The following MACROD2 variants were observed in gnomAD, a reference collection of about 807,000 sequenced individuals.
MACROD2 encodes ADP-ribose glycohydrolase MACROD2.
In MACROD2, 36 loss-of-function variants were observed where a neutral mutation model predicts 70.4. The observed-to-expected ratio is 0.51, with a 90% CI of 0.39 to 0.68. MACROD2 has a LOEUF of 0.68. Among genes scored for constraint, MACROD2 ranks in the 30% least tolerant of loss-of-function variants. The pLI, the probability that MACROD2 is intolerant of heterozygous loss-of-function variation, is 0.00. For missense variants in MACROD2, 496 were observed against 538.4 expected, an observed-to-expected ratio of 0.92 and a Z score of 0.78; for synonymous variants, 172 against 178.8, an observed-to-expected ratio of 0.96 and a Z score of 0.30.
chr20:15,595,637 A>C (rs1382045197), intron 8 of MACROD2, among the ~76,000 whole-genome samples: 1 of 152,226 alleles, frequency 6.6e-6, no homozygotes, highest in Non-Finnish European at 1.5e-5. Context: ...TATTTTAATT[A>C]TAACATTATT....
At chr20:14,502,718 G>A (rs558218181) in intron 4 of MACROD2, among the ~76,000 whole-genome samples, 24 of 152,150 alleles carry the variant, frequency 1.6e-4, no homozygotes, top group Middle Eastern at 3.4e-3. Context: ...CAAATAAAGG[G>A]GAATAACCTG....
At chr20:15,250,345 T>C (rs2077144473) in intron 6 of MACROD2, among the ~76,000 whole-genome samples, 1 of 152,218 alleles carries the variant, frequency 6.6e-6, no homozygotes, top group Non-Finnish European at 1.5e-5. Context: ...CCCCCACTGG[T>C]GATGTACTTG....
At chr20:14,715,609 G>C (rs2071388597) in intron 5 of MACROD2, among the ~76,000 whole-genome samples, 1 of 152,130 alleles carries the variant, frequency 6.6e-6, no homozygotes, top group Admixed American at 6.5e-5. Flanking sequence ...CCCAAATGCA[G>C]AGAACCTCTA....
intron 8 of MACROD2, among the ~76,000 whole-genome samples, chr20:15,682,636 C>T (rs2050175388): frequency 6.6e-6 from 1 of 152,136 alleles, no homozygotes; most frequent in Non-Finnish European, 1.5e-5. Flanking sequence ...GCTTGGTTGG[C>T]CATGCAGGTG....
At chr20:14,009,748 A>G (rs1379261793) in intron 2 of MACROD2, among the ~76,000 whole-genome samples, 2 of 152,242 alleles carry the variant, frequency 1.3e-5, no homozygotes, top group African/African-American at 4.8e-5. Context: ...GACTGGATAA[A>G]GAAAATGTGG....
chr20:14,437,965 C>A (rs977680932), intron 3 of MACROD2, among the ~76,000 whole-genome samples: 2 of 152,106 alleles, frequency 1.3e-5, no homozygotes, highest in African/African-American at 4.8e-5. Context: ...ACAGCTATAT[C>A]TACTCATTTA....
chr20:14,157,023 T>G (rs2055112920), intron 3 of MACROD2, among the ~76,000 whole-genome samples: 1 of 152,184 alleles, frequency 6.6e-6, no homozygotes, highest in African/African-American at 2.4e-5. Flanking sequence ...GAATATTAAT[T>G]TATGCTGCTT....
intron 5 of MACROD2, among the ~76,000 whole-genome samples, chr20:14,918,868 A>T (rs942641585): frequency 2.0e-5 from 3 of 152,116 alleles, no homozygotes; most frequent in African/African-American, 7.2e-5. Context: ...ACATTAAACA[A>T]TCAGCTGTAT....
chr20:15,680,873 T>C (rs1398551832), intron 8 of MACROD2, among the ~76,000 whole-genome samples: 3 of 152,174 alleles, frequency 2.0e-5, no homozygotes, highest in Non-Finnish European at 4.4e-5. Flanking sequence ...ATGATACTTA[T>C]ATTAAAGACA....
chr20:14,885,390 A>T (rs1000263105), intron 5 of MACROD2, among the ~76,000 whole-genome samples: 5 of 151,994 alleles, frequency 3.3e-5, no homozygotes, highest in Non-Finnish European at 1.5e-5. Context: ...CTTCTAATTG[A>T]CCCTAGAATC....
intron 8 of MACROD2, among the ~76,000 whole-genome samples, chr20:15,735,789 G>A (rs571314186): frequency 9.9e-4 from 150 of 152,146 alleles, no homozygotes; most frequent in Non-Finnish European, 1.9e-3. Flanking sequence ...AGGTCTCCAG[G>A]TCAATTTTCT....
intron 4 of MACROD2, among the ~76,000 whole-genome samples, chr20:14,673,433 G>A (rs2070819256): frequency 2.6e-5 from 4 of 152,096 alleles, no homozygotes; most frequent in Admixed American, 2.6e-4. Context: ...GCAGACTCTG[G>A]GTTTCCATGG....
intron 6 of MACROD2, among the ~76,000 whole-genome samples, chr20:15,386,762 G>A (rs905219894): frequency 1.3e-5 from 2 of 152,182 alleles, no homozygotes; most frequent in African/African-American, 4.8e-5. Flanking sequence ...TACAATAAAA[G>A]TGGTGCCACA....
At chr20:15,997,494 T>C (rs2066648488) in intron 15 of MACROD2, among the ~76,000 whole-genome samples, 1 of 152,178 alleles carries the variant, frequency 6.6e-6, no homozygotes, top group Non-Finnish European at 1.5e-5. Flanking sequence ...TTATTTGATT[T>C]TCAGATATTC....
intron 5 of MACROD2, among the ~76,000 whole-genome samples, chr20:14,778,235 G>A (rs2072257644): frequency 6.6e-6 from 1 of 152,090 alleles, no homozygotes. Flanking sequence ...TAAACAGCAG[G>A]CAAACTATAA....
At chr20:14,935,198 A>C (rs1045811249) in intron 5 of MACROD2, 3 of 152,148 alleles carry the variant, frequency 2.0e-5, no homozygotes, top group African/African-American at 7.2e-5. Context: ...TTCCACTGAA[A>C]ATTTTAAATC....
intron 3 of MACROD2, among the ~76,000 whole-genome samples, chr20:14,141,824 A>G (rs139080405): frequency 2.0e-5 from 3 of 151,914 alleles, no homozygotes; most frequent in Non-Finnish European, 4.4e-5. Context: ...GCACATAGCA[A>G]GCACTCAGTA....
At chr20:14,758,805 A>T (rs1243280847) in intron 5 of MACROD2, among the ~76,000 whole-genome samples, 1 of 152,138 alleles carries the variant, frequency 6.6e-6, no homozygotes, top group African/African-American at 2.4e-5. Context: ...TCATCCTTAG[A>T]TAAGTACTAT....
intron 7 of MACROD2, among the ~76,000 whole-genome samples, chr20:15,451,254 A>G (rs2046637212): frequency 6.6e-6 from 1 of 151,912 alleles, no homozygotes; most frequent in Non-Finnish European, 1.5e-5. Context: ...GAAGGATGGA[A>G]GGAACTCTTT....
Sources: allele counts gnomAD v4.1 joint callset (sites outside exome capture counted in the v4.1 genomes callset), GRCh38; gene constraint gnomAD v4.1.1; transcripts MANE v1.5; gene names NCBI Gene and HGNC (gene_info 2026-07-23, HGNC 2026-07-21).